Variants in ENPEP observed in about 807,000 individuals in gnomAD.
ENPEP encodes the protein AP-A.
Under a neutral mutation model 114.5 loss-of-function variants are expected in ENPEP, and 103 were observed. The observed-to-expected ratio is 0.90, with a 90% CI of 0.77 to 1.06. The LOEUF is 1.06. Among genes scored for constraint, ENPEP ranks in the 50% least tolerant of loss-of-function variants. The pLI, the probability that ENPEP is intolerant of heterozygous loss-of-function variation, is 0.00. For missense variants in ENPEP, 1,196 were observed against 1,161.3 expected, an observed-to-expected ratio of 1.03 and a Z score of -0.43; for synonymous variants, 420 against 422.0, an observed-to-expected ratio of 1.00 and a Z score of 0.06.
At chr4:110,528,090 C>G (rs1162795735) in intron 10 of ENPEP, among the ~76,000 whole-genome samples, 1 of 152,108 alleles carries the variant, frequency 6.6e-6, no homozygotes, top group Non-Finnish European at 1.5e-5. Flanking sequence ...TTTATACTGT[C>G]TTTAATATTT....
intron 13 of ENPEP, among the ~76,000 whole-genome samples, chr4:110,547,966 T>C (rs1727128679): frequency 6.6e-6 from 1 of 152,000 alleles, no homozygotes; most frequent in East Asian, 1.9e-4. Context: ...TACTATTGAA[T>C]GTATGAAAGC....
chr4:110,479,696 C>T (rs1477242699), intron 1 of ENPEP, among the ~76,000 whole-genome samples: 1 of 152,038 alleles, frequency 6.6e-6, no homozygotes, highest in African/African-American at 2.4e-5. Flanking sequence ...AGAATATCCA[C>T]CTTAAAGAGA....
In ENPEP at chr4:110,553,556, T is replaced by C. The variant is rs1727369746; in HGVS notation, c.2642+101T>C. 4.4e-6 allele frequency: 5 copies of C among 1,138,592 alleles called. No individual in the cohort carries two copies. In the South Asian group the frequency reaches 1.1e-4, roughly 24 times the overall value. The allele number at this position is 1,138,592 out of a possible 1,614,324, so 70.5% of individuals were successfully genotyped here. A position where few individuals can be genotyped will look rare whatever the true frequency, so the allele number is the denominator to read the frequency against. ...CACTGTCTCTGACATCTATACAATA[T>C]CTAAAATGGCATTATTAGAGGTAAA... On this transcript the variant is annotated intron_variant, in intron 18 of 19. Transcript: ENST00000265162.
At chr4:110,516,000 T>C (rs949332764) in intron 8 of ENPEP, 4 of 287,826 alleles carry the variant, frequency 1.4e-5, no homozygotes, top group Non-Finnish European at 2.8e-5. Context: ...TCCCAAAGGC[T>C]TCGTTTCTAA....
chr4:110,517,816 A>G (rs1725837603), intron 8 of ENPEP, among the ~76,000 whole-genome samples: 1 of 152,194 alleles, frequency 6.6e-6, no homozygotes, highest in African/African-American at 2.4e-5. Flanking sequence ...ATCTTCAAAC[A>G]CTAGCTAATA....
chr4:110,563,421 C>CT lies in ENPEP; in HGVS notation c.*1867dup, dbSNP rs1727737776. On this transcript the variant is annotated 3_prime_UTR_variant, in exon 20 of 20. Coordinates refer to ENST00000265162, the MANE Select transcript of ENPEP (RefSeq NM_001977.4). The stretch of plus-strand genomic sequence containing the variant: ...AAAACTGAGAACAAATTGTTTACTT[C>CT]TTTTCACTCCACACGCGAAAGAGTT... 1 of 152,102 alleles carries CT rather than the reference C, an allele frequency of 6.6e-6. No homozygotes were observed. Among genetic ancestry groups the CT allele is most frequent in the African/African-American group, 2.4e-5 (1 of 41,428 alleles). The allele number at this position is 152,102 out of a possible 1,614,324, so 9.4% of individuals were successfully genotyped here. A position where few individuals can be genotyped will look rare whatever the true frequency, so the allele number is the denominator to read the frequency against.
At chr4:110,531,773 G>A (rs748982394) in intron 11 of ENPEP, among the ~76,000 whole-genome samples, 7 of 151,986 alleles carry the variant, frequency 4.6e-5, no homozygotes, top group East Asian at 1.9e-4. Context: ...ACCTTCTCAC[G>A]AAATTCCAGA....
At chr4:110,543,859 T>G (rs1434930411) in intron 13 of ENPEP, among the ~76,000 whole-genome samples, 1 of 152,048 alleles carries the variant, frequency 6.6e-6, no homozygotes, top group South Asian at 2.1e-4. Context: ...ATCCTTCTTA[T>G]GGGACCCTAT....
chr4:110,511,268 A>AT (rs1015712804), intron 6 of ENPEP, among the ~76,000 whole-genome samples: 1 of 152,166 alleles, frequency 6.6e-6, no homozygotes, highest in Non-Finnish European at 1.5e-5. Context: ...CTACATCTGG[A>AT]TTTTTTTCAA....
At chr4:110,491,839 G>A (rs1280196043) in intron 3 of ENPEP, among the ~76,000 whole-genome samples, 1 of 150,712 alleles carries the variant, frequency 6.6e-6, no homozygotes, top group Non-Finnish European at 1.5e-5. Flanking sequence ...TCTTGCCTCA[G>A]CCTCCTGAGT....
intron 11 of ENPEP, among the ~76,000 whole-genome samples, chr4:110,535,274 G>A (rs1487653279): frequency 6.6e-6 from 1 of 152,180 alleles, no homozygotes; most frequent in Admixed American, 6.5e-5. Context: ...ATTTGAGGGT[G>A]TCCTCTGGAT....
In ENPEP at chr4:110,543,066, G is replaced by A. The variant is rs749221030; in HGVS notation, c.1996G>A (p.Ala666Thr). 1.2e-6 allele frequency: 2 copies of A among 1,612,618 alleles called. No homozygotes were observed. The highest frequency in any genetic ancestry group is 3.3e-5 in the Admixed American group (2 of 59,930). The change falls in exon 13 of 20, where the codon GCA (alanine) becomes ACA (threonine). Residue 666 changes from alanine to threonine, a missense_variant. Transcript: ENST00000265162. ...ASLIDDAFAL[A>T]RAQLLDYKVA... Reference sequence around the variant, plus strand: ...TCTTATTGATGATGCTTTTGCCTTGGCAAGGTGCGTTTTAGAATGAGACTA... The same window carrying A: ...TCTTATTGATGATGCTTTTGCCTTGACAAGGTGCGTTTTAGAATGAGACTA...
intron 11 of ENPEP, among the ~76,000 whole-genome samples, chr4:110,542,013 A>G (rs189394067): frequency 1.3e-5 from 2 of 152,256 alleles, no homozygotes; most frequent in Non-Finnish European, 2.9e-5. Flanking sequence ...TCACATATAT[A>G]TGGATGTTGT....
At chr4:110,533,214 G>A (rs1726471858) in intron 11 of ENPEP, 1 of 306,292 alleles carries the variant, frequency 3.3e-6, no homozygotes, top group East Asian at 8.1e-5. Context: ...TTCCATACAA[G>A]TGAATTTTCC....
At chr4:110,531,323 A>G (rs1238769831) in intron 11 of ENPEP, 46 bp downstream of exon 11, 2 of 1,320,068 alleles carry the variant, frequency 1.5e-6, no homozygotes, top group South Asian at 1.7e-5. Context: ...TTGATGTACC[A>G]CATTAAACTA....
chr4:110,489,857 C>T (rs1185278091), intron 2 of ENPEP, among the ~76,000 whole-genome samples: 1 of 152,118 alleles, frequency 6.6e-6, no homozygotes, highest in South Asian at 2.1e-4. Flanking sequence ...GAAATATTGT[C>T]ATTAAAATTC....
chr4:110,490,507 T>C (rs1186990081), intron 2 of ENPEP, among the ~76,000 whole-genome samples: 1 of 152,150 alleles, frequency 6.6e-6, no homozygotes, highest in Non-Finnish European at 1.5e-5. Context: ...GATAGGTCAG[T>C]AGTTGTGTCA....
intron 10 of ENPEP, among the ~76,000 whole-genome samples, chr4:110,529,174 T>C (rs1275967233): frequency 4.6e-5 from 7 of 152,176 alleles, no homozygotes; most frequent in Non-Finnish European, 1.0e-4. Flanking sequence ...AAACCTTAAC[T>C]GTGGGCCTAG....
intron 8 of ENPEP, among the ~76,000 whole-genome samples, chr4:110,516,323 C>T (rs549051639): frequency 1.1e-4 from 17 of 152,262 alleles, no homozygotes; most frequent in Middle Eastern, 3.4e-3. Flanking sequence ...CTAACAGACC[C>T]TAAGCCAATC....
Sources: allele counts gnomAD v4.1 joint callset (sites outside exome capture counted in the v4.1 genomes callset), GRCh38; gene constraint gnomAD v4.1.1; transcripts MANE v1.5; gene names NCBI Gene and HGNC (gene_info 2026-07-23, HGNC 2026-07-21).